ADK: variants seen among roughly 807,000 people sequenced by gnomAD.
ADK encodes the protein adenosine kinase.
ADK carries 24 observed loss-of-function variants against 44.7 expected under a neutral mutation model. The ratio of observed to expected loss-of-function variants is 0.54; its 90% CI spans 0.39 to 0.76. ADK has a LOEUF of 0.76. Ranked by LOEUF, ADK falls within the 30% of genes least tolerant of loss-of-function variation. The probability of loss-of-function intolerance (pLI) is 0.00; values close to 1 mark genes in which losing one functional copy is unlikely to be tolerated. For missense variants in ADK, 321 were observed against 425.1 expected, an observed-to-expected ratio of 0.76 and a Z score of 2.15; for synonymous variants, 128 against 142.6, an observed-to-expected ratio of 0.90 and a Z score of 0.73.
intron 3 of ADK, among the ~76,000 whole-genome samples, chr10:74,291,649 T>A (rs1322857796): frequency 6.6e-6 from 1 of 151,886 alleles, no homozygotes; most frequent in Non-Finnish European, 1.5e-5. Flanking sequence ...AGTATTGATT[T>A]TTTTTCAAAT....
At chr10:74,427,559 A>G (rs1340586448) in intron 6 of ADK, among the ~76,000 whole-genome samples, 6 of 152,142 alleles carry the variant, frequency 3.9e-5, no homozygotes, top group Non-Finnish European at 2.9e-5. Context: ...CAAATGAGTG[A>G]GCCTGGTTTC....
intron 7 of ADK, among the ~76,000 whole-genome samples, chr10:74,569,329 C>G (rs1038039303): frequency 6.6e-6 from 1 of 152,134 alleles, no homozygotes; most frequent in Admixed American, 6.5e-5. Context: ...ATTTCTAGTT[C>G]TAGATCCCTG....
chr10:74,440,639 A>G (rs1167553491), intron 6 of ADK, among the ~76,000 whole-genome samples: 6 of 152,176 alleles, frequency 3.9e-5, no homozygotes. Context: ...AACTTAGATC[A>G]TCTAAACATG....
rs139296253 is a variant in ADK at position 74,289,873 on chromosome 10, AAGG to A, written c.195-24790_195-24788del. On this transcript the variant is annotated intron_variant, in intron 3 of 10. Coordinates refer to ENST00000539909, the MANE Select transcript of ADK (RefSeq NM_006721.4). ...GAAAGAAAATTCTCCTTTGTAGAAA[AAGG>A]AGGGAGGATGGAATGTATATTGTAG... Among the ~76,000 whole-genome samples, 77 of 152,032 alleles carry A rather than the reference AAGG, an allele frequency of 5.1e-4. 1 individual carries two copies. In the East Asian group the frequency reaches 0.014, roughly 27 times the overall value.
intron 1 of ADK, among the ~76,000 whole-genome samples, chr10:74,180,706 C>T (rs1038363629): frequency 6.6e-6 from 1 of 152,190 alleles, no homozygotes; most frequent in Non-Finnish European, 1.5e-5. Flanking sequence ...GATCTGCCCG[C>T]CTCAGCCTCC....
At chr10:74,472,639 A>C (rs1589145443) in intron 6 of ADK, among the ~76,000 whole-genome samples, 1 of 152,238 alleles carries the variant, frequency 6.6e-6, no homozygotes, top group African/African-American at 2.4e-5. Flanking sequence ...TACTAGCTAC[A>C]TGTGGCTCTT....
chr10:74,241,401 G>A (rs1221775759), intron 3 of ADK, among the ~76,000 whole-genome samples: 1 of 152,100 alleles, frequency 6.6e-6, no homozygotes, highest in Non-Finnish European at 1.5e-5. Flanking sequence ...TTTTTGGGGA[G>A]GGGAGACGGA....
intron 6 of ADK, among the ~76,000 whole-genome samples, chr10:74,399,295 T>A (rs1843629012): frequency 6.6e-6 from 1 of 151,180 alleles, no homozygotes; most frequent in African/African-American, 2.4e-5. Context: ...GGTTTTGGTA[T>A]AACAGCTGCT....
At chr10:74,595,673 T>G (rs71507085) in intron 8 of ADK, among the ~76,000 whole-genome samples, 13 of 178 alleles carry the variant, frequency 0.073, 5 homozygotes, top group African/African-American at 0.23. Flanking sequence ...ACCGCGCCCA[T>G]CGCCATATCA....
At chr10:74,290,224 A>G (rs1013839058) in intron 3 of ADK, among the ~76,000 whole-genome samples, 2 of 152,036 alleles carry the variant, frequency 1.3e-5, no homozygotes, top group African/African-American at 4.8e-5. Flanking sequence ...TCACTTTGTC[A>G]GCCTGCTTCT....
intron 1 of ADK, among the ~76,000 whole-genome samples, chr10:74,166,376 A>G (rs1591797657): frequency 6.6e-6 from 1 of 152,220 alleles, no homozygotes; most frequent in East Asian, 1.9e-4. Flanking sequence ...GCTGTAGTGC[A>G]GTTGAACAAT....
intron 6 of ADK, among the ~76,000 whole-genome samples, chr10:74,471,516 AT>A (rs1454544930): frequency 3.3e-5 from 5 of 151,974 alleles, no homozygotes; most frequent in African/African-American, 1.2e-4. Context: ...GAATTTTAGA[AT>A]TTTTTTCTAT....
rs369879254 is a variant in ADK, at chr10:74,171,264, A to G, written c.65+19921A>G. ...ACACATTTGTCTCTCTTTTAATGAT[A>G]GTTGCCTAAAAGTTGGAATTACTGA... On this transcript the variant is annotated intron_variant, in intron 1 of 10. Transcript: ENST00000539909. 2.5e-4 allele frequency among the ~76,000 whole-genome samples: 38 copies of G among 152,324 alleles called. 1 individual carries two copies. Among genetic ancestry groups the G allele is most frequent in the Middle Eastern group, 6.8e-3 (2 of 294 alleles).
chr10:74,664,277 C>T (rs1854865780), intron 9 of ADK, among the ~76,000 whole-genome samples: 1 of 151,922 alleles, frequency 6.6e-6, no homozygotes, highest in South Asian at 2.1e-4. Context: ...CCAGAGTAGC[C>T]TAGATAGTAT....
At chr10:74,309,660 G>A (rs1431822549) in intron 3 of ADK, among the ~76,000 whole-genome samples, 1 of 152,100 alleles carries the variant, frequency 6.6e-6, no homozygotes, top group Admixed American at 6.6e-5. Context: ...AAAAAAGGGA[G>A]AGGGGTGTAT....
In ADK at chr10:74,707,661, C is replaced by G. The variant is rs542115503; in HGVS notation, c.965-660C>G. On this transcript the variant is annotated intron_variant, in intron 10 of 10. Coordinates refer to ENST00000539909, the MANE Select transcript of ADK (RefSeq NM_006721.4). ...ACCTGTAATCCCAGCTACTCGGGAG[C>G]CTGAGGCAGAAGAATGGCTTGAACC... is the stretch of plus-strand genomic sequence containing the variant. Among the ~76,000 whole-genome samples the G allele has an allele frequency of 1.8e-4, 27 of 150,568 alleles. 1 individual carries two copies. The highest frequency in any genetic ancestry group is 1.6e-3 in the Admixed American group (24 of 15,004).
At chr10:74,543,099 A>G (rs1037459999) in intron 7 of ADK, among the ~76,000 whole-genome samples, 7 of 151,592 alleles carry the variant, frequency 4.6e-5, no homozygotes, top group Non-Finnish European at 1.0e-4. Flanking sequence ...ACGGGGTTTC[A>G]CCATGTTAGC....
chr10:74,541,803 C>A lies in ADK; in HGVS notation c.726+16377C>A, dbSNP rs892821214. Among the ~76,000 whole-genome samples, 5 of 139,050 alleles carry A rather than the reference C, an allele frequency of 3.6e-5. 1 individual carries two copies. The East Asian group carries it at 6.8e-4, about 19-fold the overall frequency. 91.2% of individuals were successfully genotyped at this position (139,050 alleles called of 152,430 possible). On this transcript the variant is annotated intron_variant, in intron 7 of 10. Transcript: ENST00000539909. ...ACGAGAACCCCCACACACCCCCCCC[C>A]CCTAAAAAAAAACAACACAACACAG... is the stretch of plus-strand genomic sequence containing the variant.
chr10:74,254,333 A>G (rs1272600621), intron 3 of ADK, among the ~76,000 whole-genome samples: 1 of 152,122 alleles, frequency 6.6e-6, no homozygotes, highest in Non-Finnish European at 1.5e-5. Context: ...TATTTACTTC[A>G]CACCTAATTT....
Sources: allele counts gnomAD v4.1 joint callset (sites outside exome capture counted in the v4.1 genomes callset), GRCh38; gene constraint gnomAD v4.1.1; transcripts MANE v1.5; gene names NCBI Gene and HGNC (gene_info 2026-07-23, HGNC 2026-07-21).